ASXL3: variants seen among roughly 807,000 people sequenced by gnomAD.
ASXL3 encodes the protein putative Polycomb group protein ASXL3.
In ASXL3, 34 loss-of-function variants were observed where a neutral mutation model predicts 170.6. That is an observed-to-expected ratio of 0.20 (90% CI 0.15 to 0.27). ASXL3 has a LOEUF of 0.27. ASXL3 is among the 10% of genes least tolerant of loss of function. The probability of loss-of-function intolerance (pLI) is 1.00; values close to 1 mark genes in which losing one functional copy is unlikely to be tolerated. For missense variants in ASXL3, 2,592 were observed against 2,695.3 expected (o/e 0.96, Z 0.85); for synonymous variants, 1,002 against 989.1 (o/e 1.01, Z -0.24).
chr18:33,744,173 G>A lies in ASXL3; in HGVS notation c.4325G>A (p.Gly1442Glu), dbSNP rs768366240. The change falls in exon 12 of 12, where the codon GGG (glycine) becomes GAG (glutamate). Residue 1442 changes from glycine to glutamate, a missense_variant. Gly to Glu is a moderately conservative substitution (Grantham distance 98, BLOSUM62 -2). Around this residue, in one of 4 missense-constraint regions of ASXL3, gnomAD observed 2,246 missense variants for 2,219.6 expected, o/e 1.01. Coordinates refer to ENST00000269197, the MANE Select transcript of ASXL3 (RefSeq NM_030632.3). Reference protein sequence around the residue: ...LSAESLDKNSGPRNRADNSGK... With the variant: ...LSAESLDKNSEPRNRADNSGK... The stretch of plus-strand genomic sequence containing the variant: ...GCTGAAAGCTTGGACAAAAATTCAG[G>A]GCCTCGAAACAGGGCAGATAATTCT... The A allele has an allele frequency of 6.2e-7, 1 of 1,613,938 alleles. No homozygotes were observed. The highest frequency in any genetic ancestry group is 8.5e-7 in the Non-Finnish European group (1 of 1,179,882).
intron 2 of ASXL3, among the ~76,000 whole-genome samples, chr18:33,635,049 G>A (rs759725884): frequency 2.0e-5 from 3 of 152,298 alleles, no homozygotes; most frequent in East Asian, 1.9e-4. Context: ...AAATGAGTAG[G>A]AAGAGAGGAG....
In ASXL3 at chr18:33,739,826, C is replaced by A. The variant is rs762199178; in HGVS notation, c.2422C>A (p.Pro808Thr). 6.2e-7 allele frequency: 1 copy of A among 1,613,918 alleles called. No individual in the cohort carries two copies. Among genetic ancestry groups the A allele is most frequent in the Non-Finnish European group, 8.5e-7 (1 of 1,179,842 alleles). Reference protein sequence around the residue: ...TSQQKNLSNTPEPIIMSSSSI... With the variant: ...TSQQKNLSNTTEPIIMSSSSI... Reference sequence around the variant, plus strand: ...CCAGCAGAAGAATCTGTCTAATACTCCCGAACCCATCATAATGAGTTCTTC... The same window carrying A: ...CCAGCAGAAGAATCTGTCTAATACTACCGAACCCATCATAATGAGTTCTTC... Residue 808 changes from proline to threonine, a missense_variant, in exon 11 of 12, where the codon CCC becomes ACC. Physicochemically the swap from Pro to Thr is conservative, Grantham distance 38. Transcript: ENST00000269197.
At chr18:33,597,015 A>T (rs2065133621) in intron 1 of ASXL3, among the ~76,000 whole-genome samples, 1 of 152,032 alleles carries the variant, frequency 6.6e-6, no homozygotes, top group Non-Finnish European at 1.5e-5. Context: ...GGGTTTCACC[A>T]TGTTGACCAG....
In ASXL3 at chr18:33,621,443, C is replaced by A. The variant is rs145518678; in HGVS notation, c.137+13767C>A. ...GGCCATTGAAAGGAATGGCAAAAAC[C>A]GCAATTACTTTTGCACCTACCTAAT... On this transcript the variant is annotated intron_variant, in intron 2 of 11. Transcript: ENST00000269197. Among the ~76,000 whole-genome samples, 745 of 152,136 alleles carry A rather than the reference C, an allele frequency of 4.9e-3. 5 individuals are homozygous for A. The highest frequency in any genetic ancestry group is 0.024 in the Middle Eastern group (7 of 292).
intron 8 of ASXL3, among the ~76,000 whole-genome samples, chr18:33,697,686 C>CA (rs1339866169): frequency 6.6e-6 from 1 of 151,928 alleles, no homozygotes; most frequent in African/African-American, 2.4e-5. Flanking sequence ...AACCTCTGGG[C>CA]AATTTTCTCA....
At chr18:33,612,267 C>T (rs2065347304) in intron 2 of ASXL3, among the ~76,000 whole-genome samples, 4 of 151,890 alleles carry the variant, frequency 2.6e-5, no homozygotes. Context: ...TTATGAGGTA[C>T]ATTTTAACAA....
In ASXL3 at chr18:33,739,276, C is replaced by A. The variant is rs778966078; in HGVS notation, c.1872C>A (p.Ser624Arg). ...SSESPEGACTSLPSPGGETQS... is the reference protein window; with the variant it reads ...SSESPEGACTRLPSPGGETQS... ...AGAGCCCAGAGGGAGCCTGTACCAGCCTGCCTTCTCCAGGAGGGGAAACAC... is the reference window on the plus strand; with the variant it reads ...AGAGCCCAGAGGGAGCCTGTACCAGACTGCCTTCTCCAGGAGGGGAAACAC... The change falls in exon 11 of 12, where the codon AGC becomes AGA. Residue 624 changes from serine to arginine, a missense_variant. Physicochemically the swap from Ser to Arg is moderately radical, Grantham distance 110. Around this residue, in one of 4 missense-constraint regions of ASXL3, gnomAD observed 2,246 missense variants for 2,219.6 expected, o/e 1.01. Coordinates refer to ENST00000269197, the MANE Select transcript of ASXL3 (RefSeq NM_030632.3). 2 of 1,613,712 alleles carry A rather than the reference C, an allele frequency of 1.2e-6. No individual in the cohort carries two copies. Among genetic ancestry groups the A allele is most frequent in the Non-Finnish European group, 1.7e-6 (2 of 1,179,764 alleles).
intron 8 of ASXL3, among the ~76,000 whole-genome samples, chr18:33,719,213 A>C (rs948536724): frequency 1.3e-4 from 20 of 151,732 alleles, no homozygotes; most frequent in African/African-American, 4.6e-4. Flanking sequence ...AAGGTTCCTT[A>C]CCTCCCTTTT....
intron 4 of ASXL3, among the ~76,000 whole-genome samples, chr18:33,653,854 A>C (rs917282062): frequency 6.7e-6 from 1 of 150,238 alleles, no homozygotes; most frequent in Admixed American, 6.6e-5. Flanking sequence ...TAATTAAGCT[A>C]ATTTGCTCCT....
At chr18:33,691,563 T>C (rs993048795) in intron 8 of ASXL3, among the ~76,000 whole-genome samples, 11 of 152,164 alleles carry the variant, frequency 7.2e-5, no homozygotes, top group Non-Finnish European at 1.5e-4. Context: ...ATGCCTACAA[T>C]TCACCAGACT....
At chr18:33,736,704 T>G (rs1439831777) in intron 10 of ASXL3, among the ~76,000 whole-genome samples, 1 of 152,160 alleles carries the variant, frequency 6.6e-6, no homozygotes, top group African/African-American at 2.4e-5. Flanking sequence ...TTTACATCAC[T>G]TGTATAAATG....
At chr18:33,641,148 A>T (rs1028320758) in intron 2 of ASXL3, among the ~76,000 whole-genome samples, 3 of 152,076 alleles carry the variant, frequency 2.0e-5, no homozygotes, top group African/African-American at 7.2e-5. Context: ...TAGGCCTTTC[A>T]TTCCTTTCAC....
chr18:33,670,933 A>C (rs769994678), intron 6 of ASXL3, 143 bp downstream of exon 6: 6 of 503,674 alleles, frequency 1.2e-5, no homozygotes, highest in Non-Finnish European at 2.0e-5. Flanking sequence ...CCTTTGACTC[A>C]GTGATTCAAA....
chr18:33,737,588 A>G (rs560173637), intron 10 of ASXL3, among the ~76,000 whole-genome samples: 2 of 152,264 alleles, frequency 1.3e-5, no homozygotes, highest in East Asian at 1.9e-4. Flanking sequence ...TTCTGTACCT[A>G]TCACGTATGG....
At chr18:33,683,286 A>G in intron 7 of ASXL3, 119 bp from the exon 8 acceptor site, 1 of 842,314 alleles carries the variant, frequency 1.2e-6, no homozygotes. Context: ...AAGGGGTAGA[A>G]GTAAACATAA....
chr18:33,586,551 C>T (rs1463598923), intron 1 of ASXL3, among the ~76,000 whole-genome samples: 1 of 151,996 alleles, frequency 6.6e-6, no homozygotes, highest in Non-Finnish European at 1.5e-5. Context: ...CTTCATTTCT[C>T]TTTCCATCAC....
chr18:33,720,245 T>C (rs1198665627), intron 8 of ASXL3, among the ~76,000 whole-genome samples: 1 of 152,094 alleles, frequency 6.6e-6, no homozygotes, highest in Non-Finnish European at 1.5e-5. Flanking sequence ...TCTATCTGTT[T>C]CACAGTTCCT....
chr18:33,653,263 G>C (rs933206117), intron 4 of ASXL3, among the ~76,000 whole-genome samples: 7 of 151,996 alleles, frequency 4.6e-5, no homozygotes, highest in Non-Finnish European at 7.4e-5. Flanking sequence ...GGAGAAAGAC[G>C]ACACAGTGTG....
intron 8 of ASXL3, among the ~76,000 whole-genome samples, chr18:33,724,349 A>AT (rs1394070518): frequency 6.6e-6 from 1 of 152,046 alleles, no homozygotes; most frequent in African/African-American, 2.4e-5. Context: ...CATCTTTAAT[A>AT]TTTTGTCACT....
Sources: allele counts gnomAD v4.1 joint callset (sites outside exome capture counted in the v4.1 genomes callset), GRCh38; gene constraint gnomAD v4.1.1; regional missense constraint gnomAD v4.1.1; transcripts MANE v1.5; gene names NCBI Gene and HGNC (gene_info 2026-07-23, HGNC 2026-07-21).